NRG1: variants seen among roughly 807,000 people sequenced by gnomAD.
The protein encoded by NRG1 is pro-neuregulin-1, membrane-bound isoform.
A neutral mutation model predicts 63.8 loss-of-function variants in NRG1; 18 were observed. That is an observed-to-expected ratio of 0.28 (90% CI 0.19 to 0.42). The LOEUF is 0.42. Among genes scored for constraint, NRG1 ranks in the 10% least tolerant of loss-of-function variants. The probability of loss-of-function intolerance (pLI) is 1.00; values close to 1 mark genes in which losing one functional copy is unlikely to be tolerated. For missense variants in NRG1, 762 were observed against 814.7 expected, an observed-to-expected ratio of 0.94 and a Z score of 0.79; for synonymous variants, 302 against 301.3, an observed-to-expected ratio of 1.00 and a Z score of -0.02.
chr8:32,448,760 C>A (rs1193105708), intron 1 of NRG1, among the ~76,000 whole-genome samples: 2 of 152,070 alleles, frequency 1.3e-5, no homozygotes, highest in Non-Finnish European at 2.9e-5. Context: ...CCCAGGGGTC[C>A]CCCCTGCCAC....
At chr8:31,830,362 C>T (rs1045099218) in intron 1 of NRG1, among the ~76,000 whole-genome samples, 2 of 46,254 alleles carry the variant, frequency 4.3e-5, no homozygotes, top group African/African-American at 2.0e-4. Context: ...TCCTTCCTTC[C>T]CTCCTTCCCT....
intron 1 of NRG1, among the ~76,000 whole-genome samples, chr8:31,801,413 TC>T (rs1821774495): frequency 6.6e-6 from 1 of 152,216 alleles, no homozygotes; most frequent in African/African-American, 2.4e-5. Context: ...ATCTTTTAGT[TC>T]ATAATAATTA....
At chr8:32,205,423 C>T (rs973053448) in intron 1 of NRG1, among the ~76,000 whole-genome samples, 12 of 152,150 alleles carry the variant, frequency 7.9e-5, no homozygotes, top group Middle Eastern at 3.4e-3. Flanking sequence ...AATGACAAAA[C>T]GTTTCAATCA....
intron 1 of NRG1, among the ~76,000 whole-genome samples, chr8:32,513,337 A>C (rs1019451841): frequency 3.9e-5 from 6 of 151,994 alleles, no homozygotes; most frequent in Non-Finnish European, 8.8e-5. Flanking sequence ...GCAGGCTGAC[A>C]AAGAGGAAAT....
rs79888437 is a variant in NRG1, at chr8:31,816,348, A to T, written c.37+176917A>T. Among the ~76,000 whole-genome samples, 31 of 152,250 alleles carry T rather than the reference A, an allele frequency of 2.0e-4. No individual in the cohort carries two copies. The East Asian group carries it at 6.0e-3, about 29-fold the overall frequency. ...GATGACGGTCTACCCCACAGATCCT[A>T]AGCCACATCCAAGTCACCTGAATTC... On this transcript the variant is annotated intron_variant, in intron 1 of 10. Coordinates refer to the NRG1 transcript ENST00000519301.
chr8:32,659,985 T>C (rs1057116688), intron 5 of NRG1, among the ~76,000 whole-genome samples: 1 of 152,168 alleles, frequency 6.6e-6, no homozygotes, highest in Admixed American at 6.5e-5. Context: ...GATTTGTGTG[T>C]TCTTATTTGG....
At chr8:32,345,278 GA>G (rs1346365560) in intron 1 of NRG1, among the ~76,000 whole-genome samples, 4 of 143,782 alleles carry the variant, frequency 2.8e-5, no homozygotes, top group Admixed American at 1.4e-4. Context: ...CTGTTGGCCA[GA>G]AGTGCCTGTT....
At chr8:31,971,714 T>TA (rs373312036) in intron 1 of NRG1, among the ~76,000 whole-genome samples, 18 of 151,112 alleles carry the variant, frequency 1.2e-4, no homozygotes, top group South Asian at 2.1e-4. Flanking sequence ...TTAAATTGTT[T>TA]AAAAAAAAAC....
At chr8:31,968,572 A>G (rs987991120) in intron 1 of NRG1, among the ~76,000 whole-genome samples, 1 of 152,180 alleles carries the variant, frequency 6.6e-6, no homozygotes, top group Admixed American at 6.5e-5. Flanking sequence ...CTAGAACAGG[A>G]CATGACATAT....
chr8:31,746,613 A>T (rs1417131812), intron 1 of NRG1, among the ~76,000 whole-genome samples: 2 of 151,988 alleles, frequency 1.3e-5, no homozygotes, highest in African/African-American at 4.8e-5. Flanking sequence ...TCTTCAAAAA[A>T]CTAAAAATAG....
intron 1 of NRG1, among the ~76,000 whole-genome samples, chr8:31,813,853 C>T (rs1487170232): frequency 6.6e-6 from 1 of 152,040 alleles, no homozygotes; most frequent in Admixed American, 6.6e-5. Context: ...GCTTCAATAA[C>T]TTTATTCCAT....
chr8:32,728,494 A>C lies in NRG1; in HGVS notation c.632+416A>C, dbSNP rs776863516. 8 of 985,274 alleles carry C rather than the reference A, an allele frequency of 8.1e-6. No individual in the cohort carries two copies. In the Admixed American group the frequency reaches 4.9e-4, roughly 61 times the overall value. 61.0% of individuals were successfully genotyped at this position (985,274 alleles called of 1,614,324 possible). ...ATCCCAGTGATCACCTGCCAAATGA[A>C]TAAGACAACAAAGAGAAGCAGAAGG... is the stretch of plus-strand genomic sequence containing the variant. On this transcript the variant is annotated intron_variant, in intron 6 of 11. Transcript: ENST00000356819.
chr8:32,702,497 T>A (rs1254634068), intron 5 of NRG1, among the ~76,000 whole-genome samples: 2 of 152,192 alleles, frequency 1.3e-5, no homozygotes, highest in Non-Finnish European at 2.9e-5. Context: ...TATGAATTGT[T>A]CTTTTTTGAG....
At chr8:32,267,519 AG>A (rs1475415547) in intron 1 of NRG1, among the ~76,000 whole-genome samples, 1 of 152,180 alleles carries the variant, frequency 6.6e-6, no homozygotes, top group Non-Finnish European at 1.5e-5. Flanking sequence ...TAAAAATAAA[AG>A]TAAGATTCCC....
chr8:31,779,068 A>G (rs1819430163), intron 1 of NRG1, among the ~76,000 whole-genome samples: 2 of 152,150 alleles, frequency 1.3e-5, no homozygotes, highest in South Asian at 4.1e-4. Context: ...GGTACTCTTC[A>G]GGGACATTTT....
intron 1 of NRG1, among the ~76,000 whole-genome samples, chr8:31,805,384 T>C (rs967471247): frequency 2.6e-5 from 4 of 152,122 alleles, no homozygotes; most frequent in African/African-American, 9.7e-5. Flanking sequence ...GAGATTTTAA[T>C]TGTTTTGTAA....
chr8:31,917,033 C>T lies in NRG1; in HGVS notation c.37+277602C>T, dbSNP rs536487173. ...GAGAAGTGTCTGTTCATGTCCTTCG[C>T]CCACTTTTTGATGTGGTTGTTTGTT... On this transcript the variant is annotated intron_variant, in intron 1 of 10. Transcript: ENST00000519301. Among the ~76,000 whole-genome samples, 10 of 151,516 alleles carry T rather than the reference C, an allele frequency of 6.6e-5. No individual in the cohort carries two copies. The South Asian group carries it at 1.5e-3, about 22-fold the overall frequency.
intron 1 of NRG1, among the ~76,000 whole-genome samples, chr8:32,588,026 A>G (rs752424956): frequency 4.6e-5 from 7 of 152,024 alleles, no homozygotes; most frequent in Non-Finnish European, 8.8e-5. Flanking sequence ...AGTTCAAATG[A>G]TTCTCGTGCC....
intron 1 of NRG1, among the ~76,000 whole-genome samples, chr8:31,805,195 C>T (rs949159752): frequency 1.3e-5 from 2 of 151,738 alleles, no homozygotes; most frequent in Non-Finnish European, 2.9e-5. Context: ...CTGGATTTAT[C>T]TTTCTTTATA....
Sources: allele counts gnomAD v4.1 joint callset (sites outside exome capture counted in the v4.1 genomes callset), GRCh38; gene constraint gnomAD v4.1.1; transcripts MANE v1.5; gene names NCBI Gene and HGNC (gene_info 2026-07-23, HGNC 2026-07-21).